WDR86: variants seen among roughly 807,000 people sequenced by gnomAD.
WDR86 encodes WD repeat-containing protein 86.
Under a neutral mutation model 36.5 loss-of-function variants are expected in WDR86, and 30 were observed. That is an observed-to-expected ratio of 0.82 (90% CI 0.61 to 1.11). The LOEUF (loss-of-function observed/expected upper bound fraction) is 1.11. WDR86 is among the 50% of genes most tolerant of loss of function. WDR86 has a pLI of 0.00. For synonymous variants in WDR86, 255 were observed against 252.9 expected, an observed-to-expected ratio of 1.01 and a Z score of -0.08; for missense variants, 545 against 561.2, an observed-to-expected ratio of 0.97 and a Z score of 0.29.
Position 151,381,491 on chromosome 7 carries a change from GGCC to G in WDR86, c.*88_*90del, listed in dbSNP as rs1472090432. On this transcript the variant is annotated 3_prime_UTR_variant, in exon 6 of 6. Transcript: ENST00000334493. The surrounding 1 kb of genome is among the most constrained non-coding windows in gnomAD (Gnocchi z 4.8). ...GCTTCCTCGCTCCTCGCCCCTCGCC[GGCC>G]ATCGGGCGCCACCACCGCGGGTAGC... The G allele has an allele frequency of 6.8e-7, 1 of 1,461,360 alleles. No homozygotes were observed. Among genetic ancestry groups the G allele is most frequent in the Non-Finnish European group, 9.0e-7 (1 of 1,116,232 alleles). The allele number at this position is 1,461,360 out of a possible 1,614,324, so 90.5% of individuals were successfully genotyped here.
In WDR86 at chr7:151,406,010, G is replaced by A. The variant is rs1284092255; in HGVS notation, c.163+3417C>T. Among the ~76,000 whole-genome samples, 1 of 152,194 alleles carries A rather than the reference G, an allele frequency of 6.6e-6. No homozygotes were observed. The highest frequency in any genetic ancestry group is 6.5e-5 in the Admixed American group (1 of 15,270). On this transcript the variant is annotated intron_variant, in intron 1 of 5. Transcript: ENST00000334493. This position sits in a 1 kb window ranked among gnomAD's most constrained non-coding sequence, Gnocchi z 4.4. ...GAACCAATAAAGTGCCCCCAAATAA[G>A]GAGATATTCAATGAATAAACCTGAA...
At position 151,381,901 on chromosome 7, in the gene WDR86, T is replaced by G. The variant is rs1355766723; in HGVS notation, c.943A>C (p.Thr315Pro). The G allele has an allele frequency of 1.9e-6, 3 of 1,609,762 alleles. No individual in the cohort carries two copies. In the African/African-American group the frequency reaches 4.0e-5, roughly 22 times the overall value. ...ACCTGGATGCAGTTGATGATGAATG[T>G]GTGGCCCCGGAACACCCTCCGCAGC... ...GELRRVFRGH[T>P]FIINCIQVHG... is the part of the protein sequence containing the mutation. The change falls in exon 5 of 6, where the codon ACA (threonine) becomes CCA (proline). Residue 315 changes from threonine to proline, a missense_variant. Coordinates refer to ENST00000334493, the MANE Select transcript of WDR86 (RefSeq NM_198285.3). This position sits in a 1 kb window ranked among gnomAD's most constrained non-coding sequence, Gnocchi z 4.8.
In WDR86 at chr7:151,381,489, C is replaced by CCGGCCAT. The variant is rs1419805523; in HGVS notation, c.*86_*92dup. On this transcript the variant is annotated 3_prime_UTR_variant, in exon 6 of 6. Coordinates refer to ENST00000334493, the MANE Select transcript of WDR86 (RefSeq NM_198285.3). This position sits in a 1 kb window ranked among gnomAD's most constrained non-coding sequence, Gnocchi z 4.8. ...GGGCTTCCTCGCTCCTCGCCCCTCG[C>CCGGCCAT]CGGCCATCGGGCGCCACCACCGCGG... 1.3e-4 allele frequency: 191 copies of CCGGCCAT among 1,464,578 alleles called. No homozygotes were observed. The highest frequency in any genetic ancestry group is 1.7e-4 in the Non-Finnish European group (185 of 1,117,784). The allele number at this position is 1,464,578 out of a possible 1,614,324, so 90.7% of individuals were successfully genotyped here.
At chr7:151,404,218 A>C (rs1296780480) in intron 1 of WDR86, among the ~76,000 whole-genome samples, 1 of 149,452 alleles carries the variant, frequency 6.7e-6, no homozygotes, top group African/African-American at 2.4e-5. Flanking sequence ...GCAATGATGA[A>C]AGGAAGGTTT....
chr7:151,395,599 C>A (rs3815333), intron 3 of WDR86, among the ~76,000 whole-genome samples, 177 bp downstream of exon 3: 99,546 of 151,654 alleles, frequency 0.66, 33,205 homozygotes, highest in East Asian at 0.83. Context: ...ACCAGTACTG[C>A]GGACCCCTTA....
chr7:151,373,617 G>T (rs1194453084), downstream of WDR86, among the ~76,000 whole-genome samples: 1 of 152,206 alleles, frequency 6.6e-6, no homozygotes, highest in African/African-American at 2.4e-5. Context: ...ACCAGCTTTG[G>T]CATTGCCCAG....
In WDR86 at chr7:151,381,948, G is replaced by T. The variant is rs1214992841; in HGVS notation, c.896C>A (p.Ala299Asp). ...FTGSGDACAR[A>D]FDAQSGELRR... The stretch of plus-strand genomic sequence containing the variant: ...CAGCTCTCCAGACTGCGCGTCGAAG[G>T]CCCGGGCGCAAGCGTCCCCGCTGCC... The change falls in exon 5 of 6, where the codon GCC becomes GAC. Residue 299 changes from alanine to aspartate, a missense_variant. Ala to Asp is a moderately radical substitution (Grantham distance 126). Transcript: ENST00000334493. The surrounding 1 kb of genome is among the most constrained non-coding windows in gnomAD (Gnocchi z 4.8). The T allele has an allele frequency of 6.2e-7, 1 of 1,608,284 alleles. No homozygotes were observed. The highest frequency in any genetic ancestry group is 8.5e-7 in the Non-Finnish European group (1 of 1,177,974).
intron 2 of WDR86, among the ~76,000 whole-genome samples, chr7:151,396,544 G>T (rs879681688): frequency 6.6e-6 from 1 of 152,358 alleles, no homozygotes; most frequent in East Asian, 1.9e-4. Flanking sequence ...AAGCGGGTGG[G>T]GGGGAAGGTA....
chr7:151,376,778 T>A (rs78684465), downstream of WDR86: 6 of 1,590,654 alleles, frequency 3.8e-6, no homozygotes, highest in Non-Finnish European at 4.3e-6. Context: ...AGACTCTTTG[T>A]CCCCGCCAGC....
Position 151,381,221 on chromosome 7 carries a change from C to T in WDR86, c.*361G>A. ...GTTCAGTGGCTTCTGTAAAAAGTCA[C>T]TTCCTCTCAGCAGGAAAGGCCCAGT... On this transcript the variant is annotated 3_prime_UTR_variant, in exon 6 of 6. Transcript: ENST00000334493. The surrounding 1 kb of genome is among the most constrained non-coding windows in gnomAD (Gnocchi z 4.8). 1 of 1,274,128 alleles carries T rather than the reference C, an allele frequency of 7.8e-7. No individual in the cohort carries two copies. The highest frequency in any genetic ancestry group is 3.1e-5 in the East Asian group (1 of 31,788). 78.9% of individuals were successfully genotyped at this position (1,274,128 alleles called of 1,614,324 possible). A position where few individuals can be genotyped will look rare whatever the true frequency, so the allele number is the denominator to read the frequency against.
exon 2 of WDR86, chr7:151,376,039 C>T (rs758155456): frequency 2.4e-5 from 19 of 795,326 alleles, no homozygotes; most frequent in Non-Finnish European, 3.8e-5. Flanking sequence ...TGGGGGAGTC[C>T]GTGCTGAAAC....
downstream of WDR86, chr7:151,381,004 G>T: frequency 2.6e-6 from 1 of 388,876 alleles, no homozygotes; most frequent in Non-Finnish European, 3.8e-6. The surrounding 1 kb of genome is among the most constrained non-coding windows in gnomAD (Gnocchi z 4.8). Context: ...CCCCAAGGCT[G>T]CCCAGGCCGG....
At chr7:151,372,540 A>C (rs1220531320), downstream of WDR86, among the ~76,000 whole-genome samples, 1 of 152,194 alleles carries the variant, frequency 6.6e-6, no homozygotes, top group African/African-American at 2.4e-5. Context: ...GGGCCAGTAA[A>C]GGCATTTTAC....
Position 151,408,198 on chromosome 7 carries a change from T to C in WDR86, c.163+1229A>G, listed in dbSNP as rs570632681. 8.6e-3 allele frequency among the ~76,000 whole-genome samples: 1,164 copies of C among 135,698 alleles called. 11 individuals are homozygous for C. Among genetic ancestry groups the C allele is most frequent in the Non-Finnish European group, 0.013 (827 of 64,748 alleles). The allele number at this position is 135,698 out of a possible 152,430, so 89.0% of individuals were successfully genotyped here. ...TATGTAATATTTTTTTCTTTTCTTT[T>C]CTTTTTTTTTTTTTTTTAGACAGAG... On this transcript the variant is annotated intron_variant, in intron 1 of 5. Coordinates refer to ENST00000334493, the MANE Select transcript of WDR86 (RefSeq NM_198285.3).
intron 1 of WDR86, among the ~76,000 whole-genome samples, chr7:151,407,996 T>C: frequency 6.6e-6 from 1 of 152,058 alleles, no homozygotes; most frequent in East Asian, 1.9e-4. Flanking sequence ...CCAACTGGAC[T>C]TAACATTTCT....
rs1798556346 is a variant in WDR86 at position 151,381,471 on chromosome 7, C to T, written c.*111G>A. 3.4e-6 allele frequency: 5 copies of T among 1,487,252 alleles called. No homozygotes were observed. The East Asian group carries it at 1.5e-4, about 43-fold the overall frequency. 92.1% of individuals were successfully genotyped at this position (1,487,252 alleles called of 1,614,324 possible). ...CGGGCTCTCCTCCCGCCCGGGCTTCCTCGCTCCTCGCCCCTCGCCGGCCAT... is the reference window on the plus strand; with the variant it reads ...CGGGCTCTCCTCCCGCCCGGGCTTCTTCGCTCCTCGCCCCTCGCCGGCCAT... On this transcript the variant is annotated 3_prime_UTR_variant, in exon 6 of 6. Coordinates refer to ENST00000334493, the MANE Select transcript of WDR86 (RefSeq NM_198285.3). This position sits in a 1 kb window ranked among gnomAD's most constrained non-coding sequence, Gnocchi z 4.8.
chr7:151,398,343 G>T (rs1341050880), intron 2 of WDR86, among the ~76,000 whole-genome samples: 6 of 152,052 alleles, frequency 3.9e-5, no homozygotes, highest in African/African-American at 1.4e-4. Flanking sequence ...TTGTGTATGA[G>T]TGCATATGTA....
At chr7:151,396,315 G>A (rs1799821490) in intron 2 of WDR86, 119 bp from the exon 3 acceptor site, 1 of 1,189,428 alleles carries the variant, frequency 8.4e-7, no homozygotes, top group Non-Finnish European at 1.2e-6. Context: ...TGTCTGCCCA[G>A]CTTGCCACAC....
chr7:151,389,189 C>G (rs192695921), intron 3 of WDR86, among the ~76,000 whole-genome samples: 354 of 147,802 alleles, frequency 2.4e-3, no homozygotes, highest in Non-Finnish European at 3.9e-3. Context: ...ACCCTGGCCT[C>G]AAGTGATCCG....
Sources: allele counts gnomAD v4.1 joint callset (sites outside exome capture counted in the v4.1 genomes callset), GRCh38; gene constraint gnomAD v4.1.1; non-coding constraint Gnocchi (gnomAD v3.1); transcripts MANE v1.5; gene names NCBI Gene and HGNC (gene_info 2026-07-23, HGNC 2026-07-21).